The following NSD3 variants were observed in gnomAD, a reference collection of about 807,000 sequenced individuals.
The protein encoded by NSD3 is nuclear receptor binding SET domain protein 3.
NSD3 carries 24 observed loss-of-function variants against 160.8 expected under a neutral mutation model. That is an observed-to-expected ratio of 0.15 (90% CI 0.11 to 0.21). The LOEUF (loss-of-function observed/expected upper bound fraction) is 0.21. NSD3 is among the 10% of genes least tolerant of loss of function. NSD3 has a pLI of 1.00. For missense variants in NSD3, 1,157 were observed against 1,735.9 expected, an observed-to-expected ratio of 0.67 and a Z score of 5.93; for synonymous variants, 520 against 600.0, an observed-to-expected ratio of 0.87 and a Z score of 1.95.
At chr8:38,326,074 G>A (rs372374135) in intron 7 of NSD3, among the ~76,000 whole-genome samples, 4 of 152,030 alleles carry the variant, frequency 2.6e-5, no homozygotes, top group African/African-American at 9.6e-5. Context: ...CTTGAACCTG[G>A]GAGGTGGAGG....
At position 38,290,459 on chromosome 8, in the gene NSD3, ACAT is replaced by A. The variant is rs776626889; in HGVS notation, c.3118+13_3118+15del. On this transcript the variant is annotated intron_variant, in intron 17 of 23. Coordinates refer to ENST00000317025, the MANE Select transcript of NSD3 (RefSeq NM_023034.2). ...GAGTTGTAGTTTTGAGTCACTGTAA[ACAT>A]CATCCAGCTTACCCTTTTTGAAGGT... 8.1e-6 allele frequency: 13 copies of A among 1,613,796 alleles called. 1 individual carries two copies. In the Admixed American group the frequency reaches 1.5e-4, roughly 19 times the overall value.
In NSD3 at chr8:38,288,467, C is replaced by A. The variant is rs773531523; in HGVS notation, c.3501+20G>T. Reference sequence around the variant, plus strand: ...GCCAGGTTCTGGTCTCTTCCACCCCCCACCACCATCCCATGCTACCTTCTT... The same window carrying A: ...GCCAGGTTCTGGTCTCTTCCACCCCACACCACCATCCCATGCTACCTTCTT... On this transcript the variant is annotated intron_variant, in intron 19 of 23. Coordinates refer to ENST00000317025, the MANE Select transcript of NSD3 (RefSeq NM_023034.2). The surrounding 1 kb of genome is among the most constrained non-coding windows in gnomAD (Gnocchi z 4.5). 6.2e-7 allele frequency: 1 copy of A among 1,611,136 alleles called. No individual in the cohort carries two copies. The highest frequency in any genetic ancestry group is 8.5e-7 in the Non-Finnish European group (1 of 1,177,984).
chr8:38,288,227 C>A lies in NSD3; in HGVS notation c.3501+260G>T, dbSNP rs1808912634. On this transcript the variant is annotated intron_variant, in intron 19 of 23. Transcript: ENST00000317025. The surrounding 1 kb of genome is among the most constrained non-coding windows in gnomAD (Gnocchi z 4.5). The stretch of plus-strand genomic sequence containing the variant: ...AACAATAAAAAAAACAAGTAAAAAC[C>A]ATTTCACATAGAAATTACCAGTGTC... 6.6e-6 allele frequency among the ~76,000 whole-genome samples: 1 copy of A among 152,054 alleles called. No individual in the cohort carries two copies. The highest frequency in any genetic ancestry group is 1.5e-5 in the Non-Finnish European group (1 of 67,994).
rs1018096712 is a variant in NSD3 at position 38,321,271 on chromosome 8, T to C, written c.1709-99A>G. On this transcript the variant is annotated intron_variant, in intron 7 of 23. Coordinates refer to ENST00000317025, the MANE Select transcript of NSD3 (RefSeq NM_023034.2). This position sits in a 1 kb window ranked among gnomAD's most constrained non-coding sequence, Gnocchi z 4.7. Reference sequence around the variant, plus strand: ...CCACATTCCTTGCTTTTCTTACCCATTACTTTTGGAATTTTAATTAAAATC... The same window carrying C: ...CCACATTCCTTGCTTTTCTTACCCACTACTTTTGGAATTTTAATTAAAATC... 4 of 908,818 alleles carry C rather than the reference T, an allele frequency of 4.4e-6. No individual in the cohort carries two copies. The South Asian group carries it at 7.4e-5, about 17-fold the overall frequency. The allele number at this position is 908,818 out of a possible 1,614,324, so 56.3% of individuals were successfully genotyped here.
rs2131021762 is a variant in NSD3 at position 38,316,096 on chromosome 8, AT to A, written c.1856-55del. 5 of 1,592,734 alleles carry A rather than the reference AT, an allele frequency of 3.1e-6. No homozygotes were observed. The highest frequency in any genetic ancestry group is 2.7e-5 in the African/African-American group (2 of 74,068). ...AAAATAGTACTTAAGGTTTGTTTTAATTTTTTTGTGTGTGGGAGAATATTTT... is the reference window on the plus strand; with the variant it reads ...AAAATAGTACTTAAGGTTTGTTTTAATTTTTTGTGTGTGGGAGAATATTTT... On this transcript the variant is annotated intron_variant, in intron 9 of 23. Coordinates refer to ENST00000317025, the MANE Select transcript of NSD3 (RefSeq NM_023034.2). The surrounding 1 kb of genome is among the most constrained non-coding windows in gnomAD (Gnocchi z 4.5).
chr8:38,329,770 T>C lies in NSD3; in HGVS notation c.1189A>G (p.Lys397Glu). Residue 397 changes from lysine to glutamate, a missense_variant, in exon 6 of 24, where the codon AAA (lysine) becomes GAA (glutamate). Lys to Glu is a moderately conservative substitution (Grantham distance 56). This residue lies in a region of NSD3 where 168 missense variants were observed against 208.1 expected (regional missense o/e 0.81). Transcript: ENST00000317025. The surrounding 1 kb of genome is among the most constrained non-coding windows in gnomAD (Gnocchi z 4.8). Reference sequence around the variant, plus strand: ...TGGGATAAAGCCTCTTCAGGCTGTTTATCAATGTAAATAAAAGTATACTGT... The same window carrying C: ...TGGGATAAAGCCTCTTCAGGCTGTTCATCAATGTAAATAAAAGTATACTGT... Reference protein sequence around the residue: ...IEQYTFIYIDKQPEEALSQAK... With the variant: ...IEQYTFIYIDEQPEEALSQAK... The C allele has an allele frequency of 6.2e-7, 1 of 1,614,222 alleles. No individual in the cohort carries two copies. Among genetic ancestry groups the C allele is most frequent in the African/African-American group, 1.3e-5 (1 of 75,050 alleles).
chr8:38,316,929 G>A lies in NSD3; in HGVS notation c.1856-887C>T, dbSNP rs1414040394. Reference sequence around the variant, plus strand: ...TATACAGAAACAGCCACGATGAAATGTGCAGATCAGGCACGGTGAATACCA... The same window carrying A: ...TATACAGAAACAGCCACGATGAAATATGCAGATCAGGCACGGTGAATACCA... On this transcript the variant is annotated intron_variant, in intron 9 of 23. Coordinates refer to ENST00000317025, the MANE Select transcript of NSD3 (RefSeq NM_023034.2). This position sits in a 1 kb window ranked among gnomAD's most constrained non-coding sequence, Gnocchi z 4.5. The A allele has an allele frequency of 9.4e-7, 1 of 1,062,050 alleles. No individual in the cohort carries two copies. Among genetic ancestry groups the A allele is most frequent in the Non-Finnish European group, 1.1e-6 (1 of 877,126 alleles). The allele number at this position is 1,062,050 out of a possible 1,614,324, so 65.8% of individuals were successfully genotyped here.
At chr8:38,310,025 TTTTTTTAA>T in intron 12 of NSD3, among the ~76,000 whole-genome samples, 1 of 152,306 alleles carries the variant, frequency 6.6e-6, no homozygotes, top group East Asian at 1.9e-4. Context: ...AAGCACTTAA[TTTTTTTAA>T]TAATTGTGGT....
chr8:38,377,654 T>G (rs1428710807), intron 1 of NSD3, among the ~76,000 whole-genome samples: 1 of 152,068 alleles, frequency 6.6e-6, no homozygotes, highest in African/African-American at 2.4e-5. Context: ...CGCCCAGCCG[T>G]GGATTCATAG....
chr8:38,371,990 C>T (rs1439557163), intron 1 of NSD3, among the ~76,000 whole-genome samples: 1 of 152,098 alleles, frequency 6.6e-6, no homozygotes, highest in Non-Finnish European at 1.5e-5. Flanking sequence ...TTCTCTTGCC[C>T]AAATTACAGA....
intron 1 of NSD3, among the ~76,000 whole-genome samples, chr8:38,350,970 GTTCT>G (rs1461952920): frequency 1.4e-5 from 2 of 142,844 alleles, no homozygotes; most frequent in African/African-American, 5.2e-5. Flanking sequence ...CTTCTAGAAA[GTTCT>G]TTTTTTTTTT....
chr8:38,341,232 C>A, intron 2 of NSD3, among the ~76,000 whole-genome samples: 1 of 151,964 alleles, frequency 6.6e-6, no homozygotes, highest in East Asian at 1.9e-4. Flanking sequence ...TCAGGAAAAG[C>A]CTCTCTAAGA....
intron 4 of NSD3, among the ~76,000 whole-genome samples, chr8:38,333,860 C>T (rs999162377): frequency 4.6e-5 from 7 of 151,446 alleles, no homozygotes; most frequent in Admixed American, 1.3e-4. Context: ...GGCGACAGAG[C>T]GAGACTCCGT....
chr8:38,338,447 G>A (rs1390605543), intron 3 of NSD3, 89 bp downstream of exon 3: 7 of 1,066,416 alleles, frequency 6.6e-6, no homozygotes, highest in Admixed American at 5.1e-5. Context: ...AAGAAGCGTA[G>A]TACCAATACA....
intron 7 of NSD3, among the ~76,000 whole-genome samples, chr8:38,322,394 A>C (rs969861958): frequency 6.6e-6 from 1 of 152,148 alleles, no homozygotes; most frequent in Non-Finnish European, 1.5e-5. Flanking sequence ...GTTTACTAAG[A>C]CAGCAGATAT....
rs1809706149 is a variant in NSD3, at chr8:38,317,821, G to A, written c.1855+1074C>T. Reference sequence around the variant, plus strand: ...TTCAGAGTCTTGAAGAAGAAACCAGGCAGGAAAATGCCAATAATGATGATT... The same window carrying A: ...TTCAGAGTCTTGAAGAAGAAACCAGACAGGAAAATGCCAATAATGATGATT... On this transcript the variant is annotated intron_variant, in intron 9 of 23. Coordinates refer to ENST00000317025, the MANE Select transcript of NSD3 (RefSeq NM_023034.2). The surrounding 1 kb of genome is among the most constrained non-coding windows in gnomAD (Gnocchi z 5.3). The A allele has an allele frequency of 6.8e-7, 1 of 1,474,014 alleles. No individual in the cohort carries two copies. Among genetic ancestry groups the A allele is most frequent in the Non-Finnish European group, 9.0e-7 (1 of 1,114,552 alleles). 91.3% of individuals were successfully genotyped at this position (1,474,014 alleles called of 1,614,324 possible). A position where few individuals can be genotyped will look rare whatever the true frequency, so the allele number is the denominator to read the frequency against.
chr8:38,279,983 A>G, intron 20 of NSD3: 1 of 232,356 alleles, frequency 4.3e-6, no homozygotes, highest in Admixed American at 5.3e-5. Context: ...TAGGAATGGT[A>G]TTTTCTGATT....
intron 2 of NSD3, among the ~76,000 whole-genome samples, chr8:38,346,752 C>A (rs866828184): frequency 6.6e-6 from 1 of 152,062 alleles, no homozygotes. Context: ...GTAAACATTT[C>A]TTTGAACAGA....
At chr8:38,341,480 C>A (rs146983344) in intron 2 of NSD3, among the ~76,000 whole-genome samples, 34 of 150,250 alleles carry the variant, frequency 2.3e-4, no homozygotes, top group Non-Finnish European at 1.2e-4. Flanking sequence ...AGAGGTTGCA[C>A]TGAGCTGAGA....
Sources: allele counts gnomAD v4.1 joint callset (sites outside exome capture counted in the v4.1 genomes callset), GRCh38; gene constraint gnomAD v4.1.1; regional missense constraint gnomAD v4.1.1; non-coding constraint Gnocchi (gnomAD v3.1); transcripts MANE v1.5; gene names NCBI Gene and HGNC (gene_info 2026-07-23, HGNC 2026-07-21).